The following PRRC1 variants were observed in gnomAD, a reference collection of about 807,000 sequenced individuals.
The protein encoded by PRRC1 is proline rich coiled-coil 1.
Under a neutral mutation model 40.7 loss-of-function variants are expected in PRRC1, and 39 were observed. The observed-to-expected ratio is 0.96, with a 90% CI of 0.74 to 1.25. The LOEUF is 1.25. PRRC1 is among the 50% of genes most tolerant of loss of function. PRRC1 has a pLI of 0.00. For missense variants in PRRC1, 573 were observed against 548.3 expected (o/e 1.05, Z -0.45); for synonymous variants, 175 against 193.3 (o/e 0.91, Z 0.79).
Position 127,524,642 on chromosome 5 carries a change from T to TA in PRRC1, c.216dup (p.Pro73ThrfsTer32). 3 of 1,614,144 alleles carry TA rather than the reference T, an allele frequency of 1.9e-6. No homozygotes were observed. Among genetic ancestry groups the TA allele is most frequent in the Non-Finnish European group, 2.5e-6 (3 of 1,180,020 alleles). On this transcript the variant is annotated frameshift_variant, in exon 3 of 9. Coordinates refer to ENST00000296666, the MANE Select transcript of PRRC1 (RefSeq NM_130809.5). LOFTEE classifies it high-confidence loss of function. ...CCTCCTGTGAGGCCTTCAGCACCATTACCTTTTGTGCCTCCTCCTGCAGTT... is the reference window on the plus strand; with the variant it reads ...CCTCCTGTGAGGCCTTCAGCACCATTAACCTTTTGTGCCTCCTCCTGCAGTT...
chr5:127,538,159 G>T (rs757388179), intron 6 of PRRC1, among the ~76,000 whole-genome samples: 1 of 151,822 alleles, frequency 6.6e-6, no homozygotes, highest in Non-Finnish European at 1.5e-5. Flanking sequence ...ACACGTTCTC[G>T]CACAGTTGTC....
chr5:127,523,394 A>T (rs1767515567), intron 1 of PRRC1, 66 bp from the exon 2 acceptor site: 2 of 683,620 alleles, frequency 2.9e-6, no homozygotes, highest in Admixed American at 3.5e-5. Flanking sequence ...GTCGTTCTCT[A>T]TTCAAGCTTT....
chr5:127,523,647 A>G, intron 2 of PRRC1, 65 bp downstream of exon 2: 1 of 952,468 alleles, frequency 1.0e-6, no homozygotes, highest in Non-Finnish European at 1.5e-6. Context: ...ATCTTTTCTC[A>G]GAGTCAATTA....
chr5:127,526,443 T>A (rs1428653201), intron 3 of PRRC1, among the ~76,000 whole-genome samples, 175 bp from the exon 4 acceptor site: 1 of 152,194 alleles, frequency 6.6e-6, no homozygotes, highest in Non-Finnish European at 1.5e-5. Flanking sequence ...GGAAATAAAT[T>A]TCTTTTGAAA....
At position 127,524,657 on chromosome 5, in the gene PRRC1, C is replaced by T. The variant is rs144818364; in HGVS notation, c.230C>T (p.Pro77Leu). 8.1e-6 allele frequency: 13 copies of T among 1,614,032 alleles called. No individual in the cohort carries two copies. In the African/African-American group the frequency reaches 1.5e-4, roughly 18 times the overall value. Residue 77 changes from proline (P) to leucine (L), a missense_variant, in exon 3 of 9, where the codon CCT becomes CTT. Transcript: ENST00000296666. ...TCAGCACCATTACCTTTTGTGCCTC[C>T]TCCTGCAGTTCCTTCTGTCCCACCA... Reference protein sequence around the residue: ...RPSAPLPFVPPPAVPSVPPLV... With the variant: ...RPSAPLPFVPLPAVPSVPPLV...
chr5:127,524,589 C>G lies in PRRC1; in HGVS notation c.162C>G (p.Leu54=). Residue 54 remains leucine, a synonymous_variant, in exon 3 of 9, where the codon CTC becomes CTG. Coordinates refer to ENST00000296666, the MANE Select transcript of PRRC1 (RefSeq NM_130809.5). ...NVSSMESFPP[L]AYSTPQPPLP... The stretch of plus-strand genomic sequence containing the variant: ...CCTCCATGGAGTCCTTCCCACCACT[C>G]GCATACTCTACTCCTCAGCCGCCCC... 2 of 1,614,078 alleles carry G rather than the reference C, an allele frequency of 1.2e-6. No individual in the cohort carries two copies. Among genetic ancestry groups the G allele is most frequent in the South Asian group, 1.1e-5 (1 of 91,076 alleles).
intron 6 of PRRC1, 197 bp downstream of exon 6, chr5:127,533,983 T>A (rs1326523255): frequency 3.0e-6 from 2 of 656,246 alleles, no homozygotes; most frequent in Non-Finnish European, 5.4e-6. Context: ...AGATAGGTTT[T>A]GATTATTGTG....
chr5:127,541,742 G>A (rs946646379), intron 7 of PRRC1, among the ~76,000 whole-genome samples: 3 of 151,296 alleles, frequency 2.0e-5, no homozygotes, highest in African/African-American at 7.3e-5. Context: ...ATTTTTTATT[G>A]CGTCTATTTG....
chr5:127,545,798 C>G (rs1230176063), intron 7 of PRRC1, among the ~76,000 whole-genome samples: 1 of 151,752 alleles, frequency 6.6e-6, no homozygotes, highest in Non-Finnish European at 1.5e-5. Flanking sequence ...AAAAAGTCAT[C>G]TCTCCATCTT....
At chr5:127,540,073 A>G (rs752732105) in intron 7 of PRRC1, among the ~76,000 whole-genome samples, 39 of 152,094 alleles carry the variant, frequency 2.6e-4, no homozygotes, top group South Asian at 6.2e-4. Context: ...ATTGAAATGT[A>G]TTCTTGGGTC....
At chr5:127,527,711 T>A (rs1268715970) in intron 4 of PRRC1, among the ~76,000 whole-genome samples, 1 of 134,386 alleles carries the variant, frequency 7.4e-6, no homozygotes, top group Non-Finnish European at 1.5e-5. Context: ...TGAGCTGTGA[T>A]CATGATACTA....
At chr5:127,531,264 GA>G (rs1767762903) in intron 5 of PRRC1, among the ~76,000 whole-genome samples, 2 of 152,284 alleles carry the variant, frequency 1.3e-5, no homozygotes, top group Admixed American at 1.3e-4. Flanking sequence ...GGTTTGGAGG[GA>G]TGTAAGTTAT....
At chr5:127,528,640 T>A (rs1052102443) in intron 4 of PRRC1, among the ~76,000 whole-genome samples, 1 of 152,072 alleles carries the variant, frequency 6.6e-6, no homozygotes, top group Non-Finnish European at 1.5e-5. Flanking sequence ...CATTTTTTTT[T>A]AATGCTAAAA....
rs568873557 is a variant in PRRC1 at position 127,554,622 on chromosome 5, A to G, written c.*2706A>G. ...GTCACAGACTTCTGAATGTTTAGGC[A>G]GTGCTAGTAATTTCCTCGTAATGAT... On this transcript the variant is annotated 3_prime_UTR_variant, in exon 9 of 9. Transcript: ENST00000296666. The G allele has an allele frequency of 1.3e-5, 2 of 152,528 alleles. No homozygotes were observed. Among genetic ancestry groups the G allele is most frequent in the African/African-American group, 4.8e-5 (2 of 41,586 alleles). 9.4% of individuals were successfully genotyped at this position (152,528 alleles called of 1,614,324 possible).
At chr5:127,540,214 G>A (rs909167726) in intron 7 of PRRC1, among the ~76,000 whole-genome samples, 1 of 152,058 alleles carries the variant, frequency 6.6e-6, no homozygotes, top group Non-Finnish European at 1.5e-5. Context: ...AAACCGTCCA[G>A]TGATTGTTGT....
At chr5:127,541,482 C>T (rs1399576861) in intron 7 of PRRC1, among the ~76,000 whole-genome samples, 7 of 151,914 alleles carry the variant, frequency 4.6e-5, no homozygotes, top group Non-Finnish European at 5.9e-5. Flanking sequence ...TGGTAGAATT[C>T]GGCTGTGAAT....
At position 127,553,658 on chromosome 5, in the gene PRRC1, CCCT is replaced by C. The variant is rs1768449994; in HGVS notation, c.*1746_*1748del. ...TTACTTAAAATAGTTCTGCTACTTT[CCCT>C]CCTATTATAAGGAAATCTTACAGAT... On this transcript the variant is annotated 3_prime_UTR_variant, in exon 9 of 9. Transcript: ENST00000296666. 3 of 1,445,834 alleles carry C rather than the reference CCCT, an allele frequency of 2.1e-6. No homozygotes were observed. The highest frequency in any genetic ancestry group is 2.6e-5 in the East Asian group (1 of 38,062). The allele number at this position is 1,445,834 out of a possible 1,614,324, so 89.6% of individuals were successfully genotyped here.
chr5:127,551,597 T>C, intron 8 of PRRC1, 110 bp from the exon 9 acceptor site: 1 of 1,154,302 alleles, frequency 8.7e-7, no homozygotes. Flanking sequence ...TCAGAGTTTG[T>C]CATAATCTAT....
chr5:127,547,552 C>T (rs1031336706), intron 7 of PRRC1, among the ~76,000 whole-genome samples: 2 of 151,994 alleles, frequency 1.3e-5, no homozygotes, highest in Non-Finnish European at 2.9e-5. Context: ...TTTGATTATT[C>T]TCCCTTCCCA....
Sources: allele counts gnomAD v4.1 joint callset (sites outside exome capture counted in the v4.1 genomes callset), GRCh38; gene constraint gnomAD v4.1.1; transcripts MANE v1.5; gene names NCBI Gene and HGNC (gene_info 2026-07-23, HGNC 2026-07-21).